Variants in METTL16 observed in about 807,000 individuals in gnomAD.
The protein encoded by METTL16 is RNA N(6)-adenosine-methyltransferase METTL16.
METTL16 carries 19 observed loss-of-function variants against 57.9 expected under a neutral mutation model. The ratio of observed to expected loss-of-function variants is 0.33; its 90% CI spans 0.23 to 0.48. The LOEUF is 0.48. Among genes scored for constraint, METTL16 ranks in the 20% least tolerant of loss-of-function variants. The probability of loss-of-function intolerance (pLI) is 0.99; values close to 1 mark genes in which losing one functional copy is unlikely to be tolerated. For missense variants in METTL16, 434 were observed against 691.5 expected (o/e 0.63, Z 4.18); for synonymous variants, 246 against 255.6 (o/e 0.96, Z 0.36).
intron 6 of METTL16, among the ~76,000 whole-genome samples, chr17:2,451,623 A>G (rs1485180003): frequency 6.8e-6 from 1 of 148,050 alleles, no homozygotes; most frequent in Non-Finnish European, 1.5e-5. Context: ...TCTGTTTCCA[A>G]AAAAAAAAAA....
chr17:2,420,138 G>A lies in METTL16; in HGVS notation c.1521C>T (p.Leu507=), dbSNP rs2151681916. 6.2e-7 allele frequency: 1 copy of A among 1,614,222 alleles called. No homozygotes were observed. Among genetic ancestry groups the A allele is most frequent in the Non-Finnish European group, 8.5e-7 (1 of 1,180,046 alleles). The change falls in exon 10 of 10, where the codon CTC becomes CTT. Residue 507 remains leucine, a synonymous_variant. Transcript: ENST00000263092. The surrounding 1 kb of genome is among the most constrained non-coding windows in gnomAD (Gnocchi z 5.4). ...ACAGGTACTGTCCGGCCACTCCTGG[G>A]AGACGTTTCCCCCTTTCAGCCACTG... The part of the protein sequence containing the change: ...GSPVAERGKR[L]PGVAGQYLFK...
chr17:2,468,446 CA>C (rs2067216230), intron 4 of METTL16, among the ~76,000 whole-genome samples: 1 of 152,172 alleles, frequency 6.6e-6, no homozygotes, highest in Non-Finnish European at 1.5e-5. Context: ...AAATCTCTAC[CA>C]CCCATACATC....
At chr17:2,454,156 C>T (rs928466649) in intron 6 of METTL16, among the ~76,000 whole-genome samples, 22 of 152,288 alleles carry the variant, frequency 1.4e-4, no homozygotes, top group Admixed American at 3.9e-4. Flanking sequence ...ATTCCAGGCT[C>T]ATTGTGTATT....
intron 4 of METTL16, among the ~76,000 whole-genome samples, chr17:2,472,277 AC>A (rs2067240591): frequency 6.6e-6 from 1 of 152,162 alleles, no homozygotes; most frequent in Non-Finnish European, 1.5e-5. Flanking sequence ...AAAATCCAGA[AC>A]ACCGACAGCA....
intron 2 of METTL16, among the ~76,000 whole-genome samples, chr17:2,497,937 G>A (rs1466727019): frequency 6.6e-6 from 1 of 151,792 alleles, no homozygotes; most frequent in Non-Finnish European, 1.5e-5. Context: ...GCTCACGCCT[G>A]TAATCCCAGC....
chr17:2,447,218 C>T (rs1190521118), intron 6 of METTL16, among the ~76,000 whole-genome samples: 23 of 147,932 alleles, frequency 1.6e-4, no homozygotes, highest in African/African-American at 6.0e-4. Context: ...ATGTGGGGAG[C>T]ACCTCTGACC....
chr17:2,498,685 A>G (rs55964903), intron 2 of METTL16, among the ~76,000 whole-genome samples: 4,166 of 151,248 alleles, frequency 0.028, 203 homozygotes, highest in African/African-American at 0.07. Flanking sequence ...GTTGCAGTGA[A>G]CCAAGATGAC....
chr17:2,504,438 A>T (rs1007864717), intron 1 of METTL16, among the ~76,000 whole-genome samples: 126 of 152,130 alleles, frequency 8.3e-4, no homozygotes, highest in Non-Finnish European at 8.1e-4. Flanking sequence ...TTTTTTTTTA[A>T]ATCAAGGGAA....
intron 2 of METTL16, among the ~76,000 whole-genome samples, chr17:2,497,324 T>C (rs1350675204): frequency 7.8e-5 from 11 of 140,456 alleles, no homozygotes; most frequent in African/African-American, 3.0e-4. Flanking sequence ...TTTTTTTTTT[T>C]TTTTTTGAGA....
chr17:2,457,577 G>C (rs1261605156), intron 6 of METTL16, among the ~76,000 whole-genome samples: 1 of 151,592 alleles, frequency 6.6e-6, no homozygotes, highest in South Asian at 2.1e-4. Flanking sequence ...GCATGGTGGC[G>C]CGTGCCTTTA....
chr17:2,510,079 AAAAAAG>A (rs1258322244), intron 1 of METTL16, among the ~76,000 whole-genome samples: 1 of 152,166 alleles, frequency 6.6e-6, no homozygotes, highest in African/African-American at 2.4e-5. Flanking sequence ...TCTCAAAAAA[AAAAAAG>A]AAAAAGAAAA....
At chr17:2,454,016 T>A (rs1206148862) in intron 6 of METTL16, among the ~76,000 whole-genome samples, 2 of 152,216 alleles carry the variant, frequency 1.3e-5, no homozygotes, top group Non-Finnish European at 2.9e-5. Flanking sequence ...TCTTATTCAA[T>A]GGGTTATAAG....
At chr17:2,441,630 G>T in intron 6 of METTL16, 71 bp from the exon 7 acceptor site, 1 of 958,904 alleles carries the variant, frequency 1.0e-6, no homozygotes, top group Non-Finnish European at 1.5e-6. Flanking sequence ...CATTATTCAA[G>T]TGAATAAGAT....
downstream of METTL16, chr17:2,415,741 C>G (rs1435232618): frequency 1.3e-5 from 2 of 154,088 alleles, no homozygotes; most frequent in African/African-American, 2.4e-5. Flanking sequence ...CTCTGCCTCC[C>G]AAAGTGCTGG....
At chr17:2,451,862 CT>C (rs2067072921) in intron 6 of METTL16, among the ~76,000 whole-genome samples, 2 of 152,090 alleles carry the variant, frequency 1.3e-5, no homozygotes, top group Admixed American at 1.3e-4. Context: ...AAAAAAGATA[CT>C]GGCTTGGCGT....
At chr17:2,447,889 G>A (rs1434219513) in intron 6 of METTL16, among the ~76,000 whole-genome samples, 4 of 86,064 alleles carry the variant, frequency 4.6e-5, no homozygotes, top group East Asian at 3.2e-4. Context: ...CGCCCCGTCC[G>A]GGAGGGAGGT....
At chr17:2,479,268 G>C (rs1474132221) in intron 2 of METTL16, among the ~76,000 whole-genome samples, 1 of 151,028 alleles carries the variant, frequency 6.6e-6, no homozygotes, top group East Asian at 1.9e-4. Context: ...CCAGGCTCAA[G>C]TGACCCTCCT....
intron 7 of METTL16, among the ~76,000 whole-genome samples, chr17:2,440,059 C>G (rs1567886133): frequency 6.6e-6 from 1 of 152,090 alleles, no homozygotes. Flanking sequence ...GGAGTTTGAA[C>G]TAGTCTGGGC....
At chr17:2,497,481 T>A (rs1484070219) in intron 2 of METTL16, among the ~76,000 whole-genome samples, 5 of 150,990 alleles carry the variant, frequency 3.3e-5, no homozygotes, top group African/African-American at 1.2e-4. Flanking sequence ...CCCGGCTCAT[T>A]TTTGTACTTT....
Sources: allele counts gnomAD v4.1 joint callset (sites outside exome capture counted in the v4.1 genomes callset), GRCh38; gene constraint gnomAD v4.1.1; non-coding constraint Gnocchi (gnomAD v3.1); transcripts MANE v1.5; gene names NCBI Gene and HGNC (gene_info 2026-07-23, HGNC 2026-07-21).